FAM135A: variants seen among roughly 807,000 people sequenced by gnomAD.
The protein encoded by FAM135A is protein FAM135A.
Under a neutral mutation model 146.8 loss-of-function variants are expected in FAM135A, and 79 were observed. The ratio of observed to expected loss-of-function variants is 0.54; its 90% CI spans 0.45 to 0.65. The LOEUF is 0.65. Among genes scored for constraint, FAM135A ranks in the 30% least tolerant of loss-of-function variants. The pLI is 0.00. For missense variants in FAM135A, 1,623 were observed against 1,758.2 expected, an observed-to-expected ratio of 0.92 and a Z score of 1.38; for synonymous variants, 562 against 603.6, an observed-to-expected ratio of 0.93 and a Z score of 1.01.
intron 5 of FAM135A, among the ~76,000 whole-genome samples, chr6:70,453,606 G>A (rs979244423): frequency 3.8e-5 from 5 of 131,008 alleles, no homozygotes; most frequent in African/African-American, 5.9e-5. Context: ...GATGTTCCCC[G>A]CCCTGTGTCC....
At chr6:70,528,850 T>C (rs6455369) in intron 16 of FAM135A, among the ~76,000 whole-genome samples, 33,997 of 108,272 alleles carry the variant, frequency 0.31, 4,576 homozygotes, top group African/African-American at 0.5. Flanking sequence ...CCCCACCCCC[T>C]GACAGTCCCC....
chr6:70,472,058 C>G (rs1226233153), intron 5 of FAM135A, among the ~76,000 whole-genome samples: 1 of 152,064 alleles, frequency 6.6e-6, no homozygotes, highest in Non-Finnish European at 1.5e-5. Context: ...ACAGGAGATT[C>G]AAAGCCAGTG....
chr6:70,417,774 T>C (rs1016248305), intron 2 of FAM135A: 2 of 231,286 alleles, frequency 8.6e-6, no homozygotes, highest in African/African-American at 2.3e-5. Context: ...TCAGCCCTTA[T>C]TGGCAATAAA....
chr6:70,434,189 A>T (rs961518183), intron 4 of FAM135A, among the ~76,000 whole-genome samples: 1 of 152,224 alleles, frequency 6.6e-6, no homozygotes, highest in African/African-American at 2.4e-5. Context: ...AGAGGACTCC[A>T]AAGGAGAAGG....
At chr6:70,479,023 A>T (rs956682090) in intron 8 of FAM135A, among the ~76,000 whole-genome samples, 2 of 152,152 alleles carry the variant, frequency 1.3e-5, no homozygotes, top group Non-Finnish European at 2.9e-5. Context: ...TATAAAATGT[A>T]TTACTCTAGT....
At chr6:70,422,537 T>C (rs1419129044) in intron 2 of FAM135A, among the ~76,000 whole-genome samples, 1 of 152,000 alleles carries the variant, frequency 6.6e-6, no homozygotes, top group East Asian at 1.9e-4. Context: ...ACAAAAGAGG[T>C]AGATTAAAGG....
Position 70,533,872 on chromosome 6 carries a change from A to G in FAM135A, c.3965+18A>G. ...AAAATAAGGTATCTTCTTTAATATT[A>G]TGCAATTTATTTTTATATTTCTATG... On this transcript the variant is annotated intron_variant, in intron 18 of 21. Coordinates refer to ENST00000418814, the MANE Select transcript of FAM135A (RefSeq NM_001162529.3). 1 of 1,236,596 alleles carries G rather than the reference A, an allele frequency of 8.1e-7. No homozygotes were observed. Among genetic ancestry groups the G allele is most frequent in the Non-Finnish European group, 1.1e-6 (1 of 907,198 alleles). 76.6% of individuals were successfully genotyped at this position (1,236,596 alleles called of 1,614,324 possible).
chr6:70,450,523 T>C (rs1655505117), intron 4 of FAM135A, among the ~76,000 whole-genome samples: 1 of 152,000 alleles, frequency 6.6e-6, no homozygotes, highest in Admixed American at 6.6e-5. Flanking sequence ...TTGAAGAAAC[T>C]GTCCTTTCTT....
intron 20 of FAM135A, among the ~76,000 whole-genome samples, chr6:70,539,245 C>G (rs1335201124): frequency 2.6e-5 from 4 of 152,042 alleles, no homozygotes; most frequent in Non-Finnish European, 5.9e-5. Context: ...TTTTTCTTCC[C>G]CTCCTCGCCC....
chr6:70,538,473 A>G (rs1338092857), intron 20 of FAM135A, 72 bp downstream of exon 20: 4 of 808,950 alleles, frequency 4.9e-6, no homozygotes, highest in East Asian at 6.5e-5. Context: ...TAGCAAATAA[A>G]TTATCAACAT....
intron 4 of FAM135A, among the ~76,000 whole-genome samples, chr6:70,449,484 G>A (rs1049097430): frequency 2.6e-5 from 4 of 152,070 alleles, no homozygotes; most frequent in African/African-American, 4.8e-5. Flanking sequence ...GATTCTACAT[G>A]TAAGTGACAT....
In FAM135A at chr6:70,526,307, A is replaced by G. The variant is rs778767254; in HGVS notation, c.3223A>G (p.Ser1075Gly). ...GAAGGAAACTTCTGAAAAAGAAATT[A>G]GTAATCTTCAGCAGGAACAGGATAA... Reference protein sequence around the residue: ...PQKETSEKEISNLQQEQDKED... With the variant: ...PQKETSEKEIGNLQQEQDKED... Residue 1075 changes from serine (S) to glycine (G), a missense_variant, in exon 15 of 22, where the codon AGT (serine) becomes GGT (glycine). Around this residue, in one of 7 missense-constraint regions of FAM135A, gnomAD observed 1,061 missense variants for 1,113.8 expected, o/e 0.95. Coordinates refer to ENST00000418814, the MANE Select transcript of FAM135A (RefSeq NM_001162529.3). 6.2e-7 allele frequency: 1 copy of G among 1,613,336 alleles called. No individual in the cohort carries two copies. The highest frequency in any genetic ancestry group is 8.5e-7 in the Non-Finnish European group (1 of 1,179,562).
At chr6:70,432,983 A>G (rs1772028644) in intron 4 of FAM135A, among the ~76,000 whole-genome samples, 1 of 152,136 alleles carries the variant, frequency 6.6e-6, no homozygotes, top group African/African-American at 2.4e-5. Flanking sequence ...TATACAGTTT[A>G]TAAATGGTAT....
chr6:70,480,873 A>G (rs1170621079), intron 8 of FAM135A, 28 bp from the exon 9 acceptor site: 2 of 1,593,198 alleles, frequency 1.3e-6, no homozygotes, highest in Admixed American at 3.6e-5. Context: ...CTCGTATGAC[A>G]ATAATAATGT....
chr6:70,538,238 A>G (rs1227648019), intron 19 of FAM135A, 53 bp from the exon 20 acceptor site: 12 of 1,033,740 alleles, frequency 1.2e-5, no homozygotes, highest in African/African-American at 5.0e-5. Context: ...TAATCTTGGC[A>G]TATGTTTTTA....
intron 12 of FAM135A, among the ~76,000 whole-genome samples, chr6:70,517,357 C>T (rs111229324): frequency 0.021 from 3,193 of 151,686 alleles, 104 homozygotes; most frequent in African/African-American, 0.073. Flanking sequence ...ATGGGGAAAC[C>T]TCATCTCTAC....
Position 70,428,295 on chromosome 6 carries a change from T to C in FAM135A, c.-39-9T>C. 7.4e-7 allele frequency: 1 copy of C among 1,359,562 alleles called. No individual in the cohort carries two copies. Among genetic ancestry groups the C allele is most frequent in the South Asian group, 1.5e-5 (1 of 66,834 alleles). 84.2% of individuals were successfully genotyped at this position (1,359,562 alleles called of 1,614,324 possible). The stretch of plus-strand genomic sequence containing the variant: ...GCTTCTCATGATTTTTTCCCTTTCC[T>C]TAACAAAGGTGCTGTTATCAGAATA... On this transcript the variant is annotated splice_polypyrimidine_tract_variant and intron_variant, in intron 3 of 21. Transcript: ENST00000418814.
intron 10 of FAM135A, among the ~76,000 whole-genome samples, chr6:70,488,061 C>A (rs1785055055): frequency 6.6e-6 from 1 of 152,068 alleles, no homozygotes; most frequent in Non-Finnish European, 1.5e-5. Flanking sequence ...ACCCTTTGAC[C>A]TAGCATCCCC....
intron 13 of FAM135A, among the ~76,000 whole-genome samples, chr6:70,522,830 A>G (rs1436130991): frequency 1.3e-5 from 2 of 152,126 alleles, no homozygotes; most frequent in South Asian, 2.1e-4. Flanking sequence ...TATCAGATCT[A>G]CCATAATCTT....
Sources: gnomAD v4.1 joint callset for allele counts (sites outside exome capture counted in the v4.1 genomes callset) on GRCh38, gnomAD v4.1.1 for gene constraint, gnomAD v4.1.1 regional missense constraint, MANE v1.5 for transcripts, NCBI Gene and HGNC (gene_info 2026-07-23, HGNC 2026-07-21) for gene names.